The following NR3C2 variants were observed in gnomAD, a reference collection of about 807,000 sequenced individuals.
NR3C2 encodes mineralocorticoid receptor.
Under a neutral mutation model 86.4 loss-of-function variants are expected in NR3C2, and 15 were observed. The observed-to-expected ratio is 0.17, with a 90% CI of 0.12 to 0.27. The LOEUF (loss-of-function observed/expected upper bound fraction) is 0.27, where lower values mean the gene tolerates loss of function less well. Among genes scored for constraint, NR3C2 ranks in the 10% least tolerant of loss-of-function variants. The pLI is 1.00. For synonymous variants in NR3C2, 458 were observed against 450.5 expected (o/e 1.02, Z -0.21); for missense variants, 960 against 1,195.6 (o/e 0.80, Z 2.91).
chr4:148,082,041 C>A (rs1010309308), intron 8 of NR3C2, among the ~76,000 whole-genome samples: 1 of 152,244 alleles, frequency 6.6e-6, no homozygotes, highest in African/African-American at 2.4e-5. Context: ...GCACTTCCAC[C>A]TGCAGCCCCA....
At chr4:148,233,727 C>T (rs1033500487) in intron 3 of NR3C2, among the ~76,000 whole-genome samples, 4 of 152,072 alleles carry the variant, frequency 2.6e-5, no homozygotes, top group Non-Finnish European at 5.9e-5. Context: ...GTGAAGCAGT[C>T]AGAACACATA....
chr4:148,264,536 A>T (rs1464160037), intron 2 of NR3C2, among the ~76,000 whole-genome samples: 2 of 152,200 alleles, frequency 1.3e-5, no homozygotes, highest in Non-Finnish European at 2.9e-5. Flanking sequence ...ACATGCAGGG[A>T]TCAAAGACAG....
chr4:148,154,813 CGGGGGT>C lies in NR3C2; in HGVS notation c.2097_2102del (p.Pro700_Pro701del), dbSNP rs745328066. ...ACGTTGTCCCTTCCTCTGGGCTTTG[CGGGGGT>C]GGGGGTGGGGGTGGGGGCTGCTGCT... On this transcript the variant is annotated inframe_deletion, in exon 5 of 9. Transcript: ENST00000358102. 1.2e-4 allele frequency: 19 copies of C among 154,878 alleles called. No homozygotes were observed. Among genetic ancestry groups the C allele is most frequent in the South Asian group, 2.1e-4 (4 of 19,480 alleles). 9.6% of individuals were successfully genotyped at this position (154,878 alleles called of 1,614,324 possible).
At chr4:148,341,995 A>C (rs552382500) in intron 2 of NR3C2, among the ~76,000 whole-genome samples, 1 of 152,236 alleles carries the variant, frequency 6.6e-6, no homozygotes, top group East Asian at 1.9e-4. Flanking sequence ...ACAACTTCAC[A>C]CACTGGATTT....
In NR3C2 at chr4:148,081,264, A is replaced by AAAAC. The variant is rs1369617812; in HGVS notation, c.*76_*79dup. Reference sequence around the variant, plus strand: ...AGTGTGAATCAACCATCACATGTTAAAAACAGGTTTTCTTGGGTCCTTCTG... The same window carrying AAAAC: ...AGTGTGAATCAACCATCACATGTTAAAAACAAACAGGTTTTCTTGGGTCCTTCTG... On this transcript the variant is annotated 3_prime_UTR_variant, in exon 9 of 9. Coordinates refer to ENST00000358102, the MANE Select transcript of NR3C2 (RefSeq NM_000901.5). The AAAAC allele has an allele frequency of 7.6e-6, 12 of 1,574,544 alleles. No homozygotes were observed. The highest frequency in any genetic ancestry group is 6.7e-5 in the African/African-American group (5 of 74,158).
intron 4 of NR3C2, among the ~76,000 whole-genome samples, chr4:148,171,792 C>G (rs1735140131): frequency 6.6e-6 from 1 of 152,162 alleles, no homozygotes; most frequent in Non-Finnish European, 1.5e-5. Context: ...ACACCACTGT[C>G]TTTGTGTTCA....
At chr4:148,291,885 A>C (rs1389562041) in intron 2 of NR3C2, among the ~76,000 whole-genome samples, 1 of 152,170 alleles carries the variant, frequency 6.6e-6, no homozygotes, top group East Asian at 1.9e-4. Context: ...AAATATGCTC[A>C]GAACACTTAC....
At chr4:148,193,324 A>C (rs1736289896) in intron 4 of NR3C2, among the ~76,000 whole-genome samples, 1 of 152,148 alleles carries the variant, frequency 6.6e-6, no homozygotes, top group Admixed American at 6.5e-5. Flanking sequence ...ACTCACAGTA[A>C]CTGGGGTGTC....
At chr4:148,187,044 A>G (rs953122061) in intron 4 of NR3C2, among the ~76,000 whole-genome samples, 3 of 131,280 alleles carry the variant, frequency 2.3e-5, no homozygotes, top group Non-Finnish European at 3.3e-5. Context: ...ATATATATAT[A>G]AAGAAACTGT....
chr4:148,188,928 T>C (rs1027962801), intron 4 of NR3C2, among the ~76,000 whole-genome samples: 5 of 102,070 alleles, frequency 4.9e-5, no homozygotes, highest in African/African-American at 1.9e-4. Context: ...TTTTGCTGAG[T>C]TTTTTTTTTT....
chr4:148,273,527 T>A (rs1458996203), intron 2 of NR3C2, among the ~76,000 whole-genome samples: 2 of 152,192 alleles, frequency 1.3e-5, no homozygotes, highest in Non-Finnish European at 2.9e-5. Context: ...GTTGGGTTTT[T>A]TTTCTTAATT....
chr4:148,250,099 A>G (rs1233406902), intron 3 of NR3C2, among the ~76,000 whole-genome samples: 1 of 152,162 alleles, frequency 6.6e-6, no homozygotes, highest in African/African-American at 2.4e-5. Flanking sequence ...CTCTGGAAAA[A>G]ATGTATTTAT....
intron 2 of NR3C2, chr4:148,368,489 T>G (rs1746260582): frequency 6.6e-6 from 1 of 152,206 alleles, no homozygotes; most frequent in Admixed American, 6.5e-5. Context: ...GACACATTAT[T>G]GTCACTAGCA....
chr4:148,286,759 A>C (rs1741542749), intron 2 of NR3C2, among the ~76,000 whole-genome samples: 2 of 152,232 alleles, frequency 1.3e-5, no homozygotes, highest in African/African-American at 4.8e-5. Context: ...AGATTTCAAT[A>C]AATTCAAACT....
intron 2 of NR3C2, among the ~76,000 whole-genome samples, chr4:148,427,632 G>A (rs1299720820): frequency 6.6e-6 from 1 of 151,926 alleles, no homozygotes; most frequent in African/African-American, 2.4e-5. Context: ...AAGGAGGGCA[G>A]CCATAGAAAG....
chr4:148,216,868 C>T (rs1170980242), intron 3 of NR3C2, among the ~76,000 whole-genome samples: 1 of 152,136 alleles, frequency 6.6e-6, no homozygotes, highest in African/African-American at 2.4e-5. Flanking sequence ...GAGGTACGGT[C>T]TCCAAAGGTA....
chr4:148,146,149 G>A (rs1273707336), intron 6 of NR3C2, among the ~76,000 whole-genome samples: 1 of 152,100 alleles, frequency 6.6e-6, no homozygotes, highest in Non-Finnish European at 1.5e-5. Flanking sequence ...AGCTGACCAG[G>A]TTCATCCTAC....
chr4:148,138,126 T>G (rs1029168171), intron 6 of NR3C2, among the ~76,000 whole-genome samples: 6 of 152,198 alleles, frequency 3.9e-5, no homozygotes, highest in Admixed American at 3.9e-4. Context: ...GTTTACAAAC[T>G]GCTGGTCTGG....
In NR3C2 at chr4:148,135,784, C is replaced by T. The variant is rs751598268; in HGVS notation, c.2511-15496G>A. ...AAAAAACAACAAAAACGGCCGGGCGCGGTGGCTCACGCCTGTAATCCCAGC... is the reference window on the plus strand; with the variant it reads ...AAAAAACAACAAAAACGGCCGGGCGTGGTGGCTCACGCCTGTAATCCCAGC... On this transcript the variant is annotated intron_variant, in intron 6 of 8. Transcript: ENST00000358102. Among the ~76,000 whole-genome samples the T allele has an allele frequency of 2.7e-3, 405 of 151,942 alleles. 2 individuals are homozygous for T. Among genetic ancestry groups the T allele is most frequent in the Non-Finnish European group, 2.4e-3 (162 of 67,992 alleles).
Sources: gnomAD v4.1 joint callset for allele counts (sites outside exome capture counted in the v4.1 genomes callset) on GRCh38, gnomAD v4.1.1 for gene constraint, MANE v1.5 for transcripts, NCBI Gene and HGNC (gene_info 2026-07-23, HGNC 2026-07-21) for gene names.